Variants in JARID2 observed in about 807,000 individuals in gnomAD.
JARID2 encodes the protein jumonji and AT-rich interaction domain containing 2.
A neutral mutation model predicts 125.6 loss-of-function variants in JARID2; 21 were observed. The observed-to-expected ratio is 0.17, with a 90% confidence interval of 0.12 to 0.24. The LOEUF (loss-of-function observed/expected upper bound fraction) is 0.24, where lower values mean the gene tolerates loss of function less well. Ranked by LOEUF, JARID2 falls within the 10% of genes least tolerant of loss-of-function variation. The pLI is 1.00. For synonymous variants in JARID2, 736 were observed against 661.6 expected, an observed-to-expected ratio of 1.11 and a Z score of -1.73; for missense variants, 1,303 against 1,639.6, an observed-to-expected ratio of 0.79 and a Z score of 3.55.
intron 1 of JARID2, among the ~76,000 whole-genome samples, chr6:15,371,580 G>A (rs527381273): frequency 5.3e-5 from 8 of 152,262 alleles, no homozygotes; most frequent in Non-Finnish European, 8.8e-5. Context: ...GCAAACCCAG[G>A]GGAGTTGCTG....
At chr6:15,388,737 G>C (rs1764886062) in intron 2 of JARID2, among the ~76,000 whole-genome samples, 1 of 152,054 alleles carries the variant, frequency 6.6e-6, no homozygotes, top group Admixed American at 6.5e-5. Context: ...AAGGAGAGCT[G>C]TCTCTTGTGT....
In JARID2 at chr6:15,496,873, G is replaced by C; in HGVS notation, c.1648G>C (p.Gly550Arg). 1 of 1,601,128 alleles carries C rather than the reference G, an allele frequency of 6.2e-7. No homozygotes were observed. The highest frequency in any genetic ancestry group is 8.5e-7 in the Non-Finnish European group (1 of 1,171,532). Residue 550 changes from glycine (G) to arginine (R), a missense_variant, in exon 7 of 18, where the codon GGG (glycine) becomes CGG (arginine). Physicochemically the swap from Gly to Arg is moderately radical, Grantham distance 125 (BLOSUM62 -2). This residue lies in a region of JARID2 where 651 missense variants were observed against 581.6 expected (regional missense o/e 1.12). Transcript: ENST00000341776. Reference protein sequence around the residue: ...GKAEKGGGKAGWAAMDEIPVL... With the variant: ...GKAEKGGGKARWAAMDEIPVL... The stretch of plus-strand genomic sequence containing the variant: ...GGCCGAGAAGGGCGGCGGCAAGGCC[G>C]GGTGGGCGGCCATGGACGAGATCCC...
At chr6:15,287,188 C>A (rs1411213848) in intron 1 of JARID2, among the ~76,000 whole-genome samples, 1 of 152,106 alleles carries the variant, frequency 6.6e-6, no homozygotes, top group Non-Finnish European at 1.5e-5. Flanking sequence ...TCCTTTCTTT[C>A]CTTGTTCTCT....
chr6:15,436,158 A>G (rs553573722), intron 3 of JARID2, among the ~76,000 whole-genome samples: 49 of 152,290 alleles, frequency 3.2e-4, no homozygotes, highest in Non-Finnish European at 6.2e-4. Flanking sequence ...TGTTAGCTCA[A>G]TTAGACTCCC....
intron 3 of JARID2, among the ~76,000 whole-genome samples, chr6:15,414,425 C>G (rs923496282): frequency 3.3e-5 from 5 of 152,150 alleles, no homozygotes; most frequent in Non-Finnish European, 7.3e-5. Context: ...ATCTTTTTAG[C>G]TATAGAAACC....
intron 1 of JARID2, among the ~76,000 whole-genome samples, chr6:15,271,607 C>G (rs1201701236): frequency 3.9e-5 from 6 of 151,960 alleles, no homozygotes; most frequent in Non-Finnish European, 5.9e-5. Context: ...CCCAGGAGTT[C>G]GAGACCAGCC....
At chr6:15,353,361 T>C (rs1346925494) in intron 1 of JARID2, among the ~76,000 whole-genome samples, 1 of 152,240 alleles carries the variant, frequency 6.6e-6, no homozygotes, top group Non-Finnish European at 1.5e-5. Context: ...TTGAGCTTAA[T>C]TCATATCGTT....
chr6:15,363,079 A>AGGT (rs1275949931), intron 1 of JARID2, among the ~76,000 whole-genome samples: 4 of 152,152 alleles, frequency 2.6e-5, no homozygotes, highest in Non-Finnish European at 4.4e-5. Flanking sequence ...TCAAACTTGA[A>AGGT]GGTGGTGGAG....
In JARID2 at chr6:15,438,477, G is replaced by A. The variant is rs1257129621; in HGVS notation, c.324-13529G>A. Among the ~76,000 whole-genome samples the A allele has an allele frequency of 5.3e-5, 8 of 152,304 alleles. No individual in the cohort carries two copies. The East Asian group carries it at 7.7e-4, about 15-fold the overall frequency. ...CATCTGTGAATTGCAGAGCGTAGAA[G>A]GATGTAGTTCATTTCCATGATTCCT... is the stretch of plus-strand genomic sequence containing the variant. On this transcript the variant is annotated intron_variant, in intron 3 of 17. Coordinates refer to ENST00000341776, the MANE Select transcript of JARID2 (RefSeq NM_004973.4).
intron 4 of JARID2, among the ~76,000 whole-genome samples, chr6:15,462,746 G>T (rs1768512162): frequency 6.6e-6 from 1 of 152,220 alleles, no homozygotes; most frequent in Non-Finnish European, 1.5e-5. Context: ...ATACAGCCAA[G>T]CGATGTTTCG....
chr6:15,501,461 TGA>T (rs1770730909), intron 8 of JARID2, 52 bp downstream of exon 8: 3 of 1,495,356 alleles, frequency 2.0e-6, no homozygotes, highest in Admixed American at 4.6e-5. Context: ...GCGGGAGGAA[TGA>T]GAGAGGAAGT....
chr6:15,261,941 C>T (rs988946413), intron 1 of JARID2, among the ~76,000 whole-genome samples: 19 of 152,010 alleles, frequency 1.2e-4, no homozygotes, highest in African/African-American at 3.1e-4. Context: ...CCACCATGCC[C>T]GGCTAATTTT....
chr6:15,294,565 A>C (rs1581380548), intron 1 of JARID2, among the ~76,000 whole-genome samples: 2 of 152,072 alleles, frequency 1.3e-5, no homozygotes, highest in African/African-American at 4.8e-5. Context: ...TACCCTAGCA[A>C]GTGAGGAGGA....
chr6:15,430,863 G>A (rs1366120457), intron 3 of JARID2, among the ~76,000 whole-genome samples: 3 of 152,162 alleles, frequency 2.0e-5, no homozygotes, highest in Non-Finnish European at 4.4e-5. Context: ...TTGGAACTGT[G>A]TAGGATGGGA....
At chr6:15,320,515 CA>C (rs979396687) in intron 1 of JARID2, among the ~76,000 whole-genome samples, 14 of 152,124 alleles carry the variant, frequency 9.2e-5, no homozygotes, top group Admixed American at 2.6e-4. Context: ...TGTTAATTAT[CA>C]AAAACCATAC....
chr6:15,519,067 G>A (rs756446689), intron 17 of JARID2, among the ~76,000 whole-genome samples: 1 of 152,164 alleles, frequency 6.6e-6, no homozygotes, highest in African/African-American at 2.4e-5. Flanking sequence ...GCCGCCTGCC[G>A]CCGAGCCTAG....
At chr6:15,320,848 CTCTCTGTGTG>C (rs1762328597) in intron 1 of JARID2, among the ~76,000 whole-genome samples, 1 of 135,044 alleles carries the variant, frequency 7.4e-6, no homozygotes, top group African/African-American at 2.8e-5. Flanking sequence ...TTCTCTCTCT[CTCTCTGTGTG>C]TGTGTGTGTG....
intron 11 of JARID2, 51 bp from the exon 12 acceptor site, chr6:15,508,289 G>A: frequency 1.1e-6 from 1 of 892,074 alleles, no homozygotes; most frequent in Non-Finnish European, 1.9e-6. Flanking sequence ...GTTCCTTTGA[G>A]ACCTTGTTGC....
intron 5 of JARID2, among the ~76,000 whole-genome samples, chr6:15,469,320 C>G (rs71533647): frequency 2.0e-4 from 22 of 107,382 alleles, no homozygotes; most frequent in East Asian, 1.6e-3. Context: ...CTCTCTCTGT[C>G]TCTCTCTCTC....
Sources: gnomAD v4.1 joint callset for allele counts (sites outside exome capture counted in the v4.1 genomes callset) on GRCh38, gnomAD v4.1.1 for gene constraint, gnomAD v4.1.1 regional missense constraint, MANE v1.5 for transcripts, NCBI Gene and HGNC (gene_info 2026-07-23, HGNC 2026-07-21) for gene names.